The following NOP9 variants were observed in gnomAD, a reference collection of about 807,000 sequenced individuals.
The protein encoded by NOP9 is nucleolar protein 9.
NOP9 carries 50 observed loss-of-function variants against 63.0 expected under a neutral mutation model. That is an observed-to-expected ratio of 0.79 (90% CI 0.63 to 1.00). The LOEUF (loss-of-function observed/expected upper bound fraction) is 1.00, where lower values mean the gene tolerates loss of function less well. Ranked by LOEUF, NOP9 falls within the 50% of genes least tolerant of loss-of-function variation. The pLI, the probability that NOP9 is intolerant of heterozygous loss-of-function variation, is 0.00. For missense variants in NOP9, 758 were observed against 803.0 expected (o/e 0.94, Z 0.68); for synonymous variants, 343 against 332.8 (o/e 1.03, Z -0.33).
chr14:24,306,313 G>A lies in NOP9; in HGVS notation c.*1218G>A. ...CCCAGGATCAGGGTTAAGCTAGAGA[G>A]GAAGCCCGGGAAAGCTCTAAAGGAC... On this transcript the variant is annotated 3_prime_UTR_variant, in exon 10 of 10. Coordinates refer to ENST00000267425, the MANE Select transcript of NOP9 (RefSeq NM_174913.3). The A allele has an allele frequency of 6.2e-7, 1 of 1,605,444 alleles. No individual in the cohort carries two copies. Among genetic ancestry groups the A allele is most frequent in the South Asian group, 1.1e-5 (1 of 90,718 alleles).
Position 24,300,508 on chromosome 14 carries a change from C to T in NOP9, c.348C>T (p.Phe116=). The T allele has an allele frequency of 1.2e-6, 2 of 1,614,252 alleles. No individual in the cohort carries two copies. Among genetic ancestry groups the T allele is most frequent in the East Asian group, 4.5e-5 (2 of 44,888 alleles). Residue 116 remains phenylalanine (F), a synonymous_variant, in exon 2 of 10, where the codon TTC becomes TTT. Coordinates refer to ENST00000267425, the MANE Select transcript of NOP9 (RefSeq NM_174913.3). ...GSEMLQELLG[F]SPLKPLCRVW... ...AGATGCTGCAGGAACTGTTGGGATT[C>T]AGTCCCTTGAAACCGCTTTGTCGCG...
upstream of NOP9, chr14:24,299,320 G>A: frequency 1.8e-6 from 1 of 559,280 alleles, no homozygotes; most frequent in Non-Finnish European, 3.2e-6. Context: ...TCTTTTGGGA[G>A]GCCCAGAGAG....
At chr14:24,274,654 AC>A in the NOP9 span, among the ~76,000 whole-genome samples, 5 of 146,186 alleles carry the variant, frequency 3.4e-5, no homozygotes, top group East Asian at 9.9e-4. Context: ...TCTGTCACCC[AC>A]GCTGGAGTAG....
In NOP9 at chr14:24,306,269, A is replaced by G. The variant is rs952268799; in HGVS notation, c.*1174A>G. 1.9e-6 allele frequency: 3 copies of G among 1,545,900 alleles called. No homozygotes were observed. Among genetic ancestry groups the G allele is most frequent in the Admixed American group, 3.4e-5 (2 of 57,998 alleles). On this transcript the variant is annotated 3_prime_UTR_variant, in exon 10 of 10. Coordinates refer to ENST00000267425, the MANE Select transcript of NOP9 (RefSeq NM_174913.3). ...GTGTGACATCCTTGACAATTCCACA[A>G]CTCCTCCTGCACCTGGTCCCCAGGA... is the stretch of plus-strand genomic sequence containing the variant.
chr14:24,292,107 GA>G, the NOP9 span: 1 of 1,564,618 alleles, frequency 6.4e-7, no homozygotes, highest in Non-Finnish European at 8.8e-7. Flanking sequence ...TGGTGAGTGG[GA>G]GTATCTGATC....
the NOP9 span, among the ~76,000 whole-genome samples, chr14:24,283,434 C>CAA: frequency 9.8e-4 from 119 of 121,402 alleles, 1 homozygote; most frequent in South Asian, 5.9e-3. Flanking sequence ...ACTAAAAATA[C>CAA]AAAAAAAAAA....
intron 5 of NOP9, 85 bp downstream of exon 5, chr14:24,302,509 C>G: frequency 7.5e-7 from 1 of 1,324,780 alleles, no homozygotes; most frequent in Non-Finnish European, 1.0e-6. Flanking sequence ...CTCTATATAC[C>G]TTTGACATTG....
rs1041424614 is a variant in NOP9, at chr14:24,301,793, C to T, written c.808+71C>T. 8.3e-5 allele frequency: 128 copies of T among 1,549,388 alleles called. No homozygotes were observed. The African/African-American group carries it at 1.6e-3, about 19-fold the overall frequency. ...GGTCATCTTACCACCAAGCAAGGCCCTTACCTCAGGTTATTCCTCTTCTTT... is the reference window on the plus strand; with the variant it reads ...GGTCATCTTACCACCAAGCAAGGCCTTTACCTCAGGTTATTCCTCTTCTTT... On this transcript the variant is annotated intron_variant, in intron 3 of 9. Coordinates refer to ENST00000267425, the MANE Select transcript of NOP9 (RefSeq NM_174913.3).
At chr14:24,276,530 A>G in the NOP9 span, among the ~76,000 whole-genome samples, 2 of 152,132 alleles carry the variant, frequency 1.3e-5, no homozygotes, top group African/African-American at 2.4e-5. Context: ...CCTCCAAGCA[A>G]TCATCCTGCC....
At position 24,307,943 on chromosome 14, in the gene NOP9, A is replaced by G. The variant is rs368838194; in HGVS notation, c.*2848A>G. 8.0e-7 allele frequency: 1 copy of G among 1,256,392 alleles called. No homozygotes were observed. The highest frequency in any genetic ancestry group is 1.5e-5 in the African/African-American group (1 of 67,056). The allele number at this position is 1,256,392 out of a possible 1,614,324, so 77.8% of individuals were successfully genotyped here. ...GGGCTTTAGTGGTGTTTTCTGTTACAAACCTGGGATCTCAGCCCAGGACAA... is the reference window on the plus strand; with the variant it reads ...GGGCTTTAGTGGTGTTTTCTGTTACGAACCTGGGATCTCAGCCCAGGACAA... On this transcript the variant is annotated 3_prime_UTR_variant, in exon 10 of 10. Coordinates refer to ENST00000267425, the MANE Select transcript of NOP9 (RefSeq NM_174913.3).
At chr14:24,302,472 C>T (rs750946973) in intron 5 of NOP9, 48 bp downstream of exon 5, 36 of 1,538,460 alleles carry the variant, frequency 2.3e-5, no homozygotes, top group Non-Finnish European at 3.0e-5. Context: ...TTCTTGATCA[C>T]TGGACCTTAT....
At chr14:24,279,737 A>G in the NOP9 span, among the ~76,000 whole-genome samples, 49 of 152,330 alleles carry the variant, frequency 3.2e-4, no homozygotes, top group African/African-American at 1.1e-3. Context: ...TGCCCAGAGC[A>G]CTGGTGGAGG....
chr14:24,285,983 CA>C, the NOP9 span, among the ~76,000 whole-genome samples: 55,468 of 149,800 alleles, frequency 0.37, 11,143 homozygotes, highest in Middle Eastern at 0.52. Context: ...GATAAACTGT[CA>C]AAAAAAAAAA....
At chr14:24,271,524 G>A in the NOP9 span, 18 of 170,106 alleles carry the variant, frequency 1.1e-4, no homozygotes, top group African/African-American at 4.0e-4. Flanking sequence ...CGGAGCTGCG[G>A]CGCCCGCCAC....
At chr14:24,299,368 A>G, upstream of NOP9, 1 of 391,720 alleles carries the variant, frequency 2.6e-6, no homozygotes, top group South Asian at 4.7e-5. Flanking sequence ...AGAGGTGGAC[A>G]ACTACTACAA....
chr14:24,278,518 C>T, the NOP9 span, among the ~76,000 whole-genome samples: 2 of 152,036 alleles, frequency 1.3e-5, no homozygotes, highest in Admixed American at 6.6e-5. Context: ...TGGATGATGG[C>T]GTCTGGTGAG....
chr14:24,307,743 A>G lies in NOP9; in HGVS notation c.*2648A>G. 6.8e-7 allele frequency: 1 copy of G among 1,472,522 alleles called. No homozygotes were observed. 91.2% of individuals were successfully genotyped at this position (1,472,522 alleles called of 1,614,324 possible). A position where few individuals can be genotyped will look rare whatever the true frequency, so the allele number is the denominator to read the frequency against. The stretch of plus-strand genomic sequence containing the variant: ...AGGAAGGGGTACTGGTTAGTCTCCT[A>G]GGGGCTGAGTGGAGTATTGTTGCCC... On this transcript the variant is annotated 3_prime_UTR_variant, in exon 10 of 10. Coordinates refer to ENST00000267425, the MANE Select transcript of NOP9 (RefSeq NM_174913.3).
At chr14:24,299,195 G>A (rs1348539272), upstream of NOP9, 19 of 1,443,972 alleles carry the variant, frequency 1.3e-5, 1 homozygote, top group East Asian at 3.2e-4. Flanking sequence ...GGCGAGGTTG[G>A]GGGGTAGGGG....
In NOP9 at chr14:24,304,534, T is replaced by C. The variant is rs928394744; in HGVS notation, c.1689T>C (p.Arg563=). The C allele has an allele frequency of 2.5e-6, 4 of 1,613,364 alleles. No individual in the cohort carries two copies. The highest frequency in any genetic ancestry group is 3.4e-6 in the Non-Finnish European group (4 of 1,179,882). The change falls in exon 9 of 10, where the codon CGT becomes CGC. Residue 563 remains arginine, a synonymous_variant. Transcript: ENST00000267425. ...TGGCCTGTAGTCGCCATGGCAGCCG[T>C]GTGCTAGATGCCATCTGGAGTGGAG... ...VALACSRHGS[R]VLDAIWSGAA...
Sources: allele counts gnomAD v4.1 joint callset (sites outside exome capture counted in the v4.1 genomes callset), GRCh38; gene constraint gnomAD v4.1.1; transcripts MANE v1.5; gene names NCBI Gene and HGNC (gene_info 2026-07-23, HGNC 2026-07-21).